Variants in CSMD1 observed in about 807,000 individuals in gnomAD.
The protein encoded by CSMD1 is CUB and Sushi multiple domains 1.
A neutral mutation model predicts 417.5 loss-of-function variants in CSMD1; 213 were observed. The observed-to-expected ratio is 0.51, with a 90% confidence interval of 0.46 to 0.57. The LOEUF (loss-of-function observed/expected upper bound fraction) is 0.57. CSMD1 is among the 20% of genes least tolerant of loss of function. CSMD1 has a pLI of 0.00. For synonymous variants in CSMD1, 2,862 were observed against 1,736.8 expected (o/e 1.65, Z -16.11); for missense variants, 6,923 against 4,529.7 (o/e 1.53, Z -15.17).
At chr8:4,967,951 T>C (rs996307832) in intron 1 of CSMD1, among the ~76,000 whole-genome samples, 2 of 152,132 alleles carry the variant, frequency 1.3e-5, no homozygotes, top group Admixed American at 6.6e-5. Context: ...ATGTATTTTT[T>C]TTTCTAAATA....
At chr8:4,068,377 G>A (rs1563080390) in intron 3 of CSMD1, among the ~76,000 whole-genome samples, 5 of 152,166 alleles carry the variant, frequency 3.3e-5, no homozygotes, top group Admixed American at 1.3e-4. Flanking sequence ...TGTCAGCCAT[G>A]GGAGTGTGAC....
chr8:3,397,870 T>G (rs577083453), intron 16 of CSMD1, among the ~76,000 whole-genome samples: 2 of 152,108 alleles, frequency 1.3e-5, no homozygotes, highest in Non-Finnish European at 2.9e-5. Context: ...GAGCTCAGAA[T>G]TTGTGCGCAC....
At chr8:4,111,952 C>T (rs1311267495) in intron 3 of CSMD1, among the ~76,000 whole-genome samples, 1 of 151,644 alleles carries the variant, frequency 6.6e-6, no homozygotes, top group South Asian at 2.1e-4. Context: ...AAAGCACAGT[C>T]TCTGTAATTT....
chr8:4,153,824 G>A (rs1038853608), intron 3 of CSMD1, among the ~76,000 whole-genome samples: 15 of 152,160 alleles, frequency 9.9e-5, no homozygotes, highest in African/African-American at 1.9e-4. Flanking sequence ...AAAAAATGAC[G>A]GAACGTCACA....
At chr8:4,521,376 A>G (rs1290805312) in intron 2 of CSMD1, among the ~76,000 whole-genome samples, 1 of 152,176 alleles carries the variant, frequency 6.6e-6, no homozygotes, top group African/African-American at 2.4e-5. Flanking sequence ...TAAAATAGAA[A>G]AAGAAAAAAC....
At chr8:4,676,904 C>A (rs1805721476) in intron 1 of CSMD1, among the ~76,000 whole-genome samples, 2 of 148,078 alleles carry the variant, frequency 1.4e-5, no homozygotes, top group African/African-American at 4.9e-5. Context: ...TTTAGATATA[C>A]AGGAATTTTA....
intron 26 of CSMD1, among the ~76,000 whole-genome samples, chr8:3,280,170 A>C (rs1376501679): frequency 2.6e-5 from 4 of 151,786 alleles, no homozygotes; most frequent in African/African-American, 9.7e-5. Flanking sequence ...GAATAACCCA[A>C]TACAGGTTTG....
chr8:3,251,749 G>A (rs932708345), intron 26 of CSMD1, among the ~76,000 whole-genome samples: 14 of 152,106 alleles, frequency 9.2e-5, no homozygotes, highest in African/African-American at 3.4e-4. Flanking sequence ...TTGAGCAGTG[G>A]ATTGTAGTTC....
intron 7 of CSMD1, among the ~76,000 whole-genome samples, chr8:3,697,489 T>A (rs1323545112): frequency 6.6e-6 from 1 of 152,222 alleles, no homozygotes; most frequent in East Asian, 1.9e-4. Context: ...AAAATGGAAT[T>A]CTTTAATTGA....
At chr8:3,920,954 G>C (rs558950745) in intron 5 of CSMD1, among the ~76,000 whole-genome samples, 1 of 152,198 alleles carries the variant, frequency 6.6e-6, no homozygotes, top group South Asian at 2.1e-4. Context: ...ATGTAATCTA[G>C]ATATGACATG....
At position 3,029,508 on chromosome 8, in the gene CSMD1, C is replaced by G. The variant is rs1332631944; in HGVS notation, c.7666G>C (p.Ala2556Pro). The G allele has an allele frequency of 1.5e-5, 24 of 1,591,878 alleles. No homozygotes were observed. The highest frequency in any genetic ancestry group is 1.9e-5 in the Non-Finnish European group (22 of 1,168,850). Residue 2556 changes from alanine to proline, a missense_variant, in exon 51 of 70, where the codon GCT (alanine) becomes CCT (proline). By Grantham distance (27) the Ala-to-Pro change is conservative. Transcript: ENST00000635120. Reference protein sequence around the residue: ...KGKPPTCKPVACPSIEAQLSE... With the variant: ...KGKPPTCKPVPCPSIEAQLSE... ...AGCTGAGCTTCAATGCTGGGGCAAG[C>G]GACCGCTGGAAGGGAAACGTACATC...
intron 7 of CSMD1, among the ~76,000 whole-genome samples, chr8:3,648,144 G>C (rs1797669243): frequency 1.3e-5 from 2 of 152,198 alleles, no homozygotes; most frequent in Admixed American, 6.5e-5. Flanking sequence ...TATGGCCCCA[G>C]ATTAAGTTAG....
At chr8:4,046,264 T>C (rs1193065295) in intron 3 of CSMD1, among the ~76,000 whole-genome samples, 4 of 152,210 alleles carry the variant, frequency 2.6e-5, no homozygotes, top group East Asian at 3.8e-4. Context: ...TTTCTAATTA[T>C]TGAATTCTTG....
intron 5 of CSMD1, among the ~76,000 whole-genome samples, chr8:3,986,067 C>G (rs909018303): frequency 1.3e-5 from 2 of 151,970 alleles, no homozygotes; most frequent in Admixed American, 6.6e-5. Context: ...ATATGAAGAC[C>G]CCATCCAAAA....
At chr8:4,446,337 C>G (rs548453534) in intron 2 of CSMD1, among the ~76,000 whole-genome samples, 10 of 152,222 alleles carry the variant, frequency 6.6e-5, no homozygotes, top group African/African-American at 2.4e-4. Context: ...CGCTTGAGCC[C>G]AGGAGTTTGA....
chr8:4,219,309 C>G (rs1800877738), intron 3 of CSMD1, among the ~76,000 whole-genome samples: 1 of 152,200 alleles, frequency 6.6e-6, no homozygotes, highest in African/African-American at 2.4e-5. Context: ...CTTTTCTTCT[C>G]TCTCAGTAAT....
chr8:3,426,728 G>C (rs1334914512), intron 12 of CSMD1, among the ~76,000 whole-genome samples: 11 of 152,114 alleles, frequency 7.2e-5, no homozygotes, highest in Non-Finnish European at 1.6e-4. Flanking sequence ...AAACTTTATA[G>C]TTTACTAAAA....
intron 3 of CSMD1, among the ~76,000 whole-genome samples, chr8:4,404,781 G>T (rs781535458): frequency 6.6e-6 from 1 of 151,962 alleles, no homozygotes; most frequent in South Asian, 2.1e-4. Flanking sequence ...ATAGCCATAA[G>T]CAAGACTTGA....
At chr8:3,883,146 T>A (rs1806317491) in intron 5 of CSMD1, among the ~76,000 whole-genome samples, 1 of 152,186 alleles carries the variant, frequency 6.6e-6, no homozygotes, top group African/African-American at 2.4e-5. Context: ...ACATCATACT[T>A]GCAAGCTCAG....
Sources: allele counts gnomAD v4.1 joint callset (sites outside exome capture counted in the v4.1 genomes callset), GRCh38; gene constraint gnomAD v4.1.1; transcripts MANE v1.5; gene names NCBI Gene and HGNC (gene_info 2026-07-23, HGNC 2026-07-21).